The following NPHP3 variants were observed in gnomAD, a reference collection of about 807,000 sequenced individuals.
NPHP3 encodes the protein nephrocystin-3.
A neutral mutation model predicts 171.9 loss-of-function variants in NPHP3; 123 were observed. The ratio of observed to expected loss-of-function variants is 0.72; its 90% confidence interval spans 0.62 to 0.83. The LOEUF (loss-of-function observed/expected upper bound fraction) is 0.83, where lower values mean the gene tolerates loss of function less well. Among genes scored for constraint, NPHP3 ranks in the 40% least tolerant of loss-of-function variants. The pLI is 0.00. For synonymous variants in NPHP3, 558 were observed against 579.2 expected, an observed-to-expected ratio of 0.96 and a Z score of 0.52; for missense variants, 1,506 against 1,591.9, an observed-to-expected ratio of 0.95 and a Z score of 0.92.
At chr3:132,721,857 A>T in intron 1 of NPHP3, 106 bp downstream of exon 1, 2 of 1,342,474 alleles carry the variant, frequency 1.5e-6, no homozygotes, top group Non-Finnish European at 2.1e-6. Flanking sequence ...CTCAAATTAA[A>T]ATGGGCAGTT....
In NPHP3 at chr3:132,718,995, A is replaced by G; in HGVS notation, c.669T>C (p.Thr223=). The G allele has an allele frequency of 6.2e-7, 1 of 1,613,916 alleles. No homozygotes were observed. Among genetic ancestry groups the G allele is most frequent in the Non-Finnish European group, 8.5e-7 (1 of 1,179,776 alleles). Residue 223 remains threonine, a splice_region_variant and synonymous_variant, in exon 3 of 27, where the codon ACT becomes ACC. Transcript: ENST00000337331. The part of the protein sequence containing the change: ...SDSDDNCTDV[T]AAGTQCEYWT... The stretch of plus-strand genomic sequence containing the variant: ...AATATAAATAGGATATACACTTACC[A>G]GTGACATCTGTACAGTTGTCATCTG...
chr3:132,684,950 C>A, intron 23 of NPHP3, 156 bp from the exon 24 acceptor site: 3 of 828,216 alleles, frequency 3.6e-6, no homozygotes. Context: ...CTCTTCCCCA[C>A]CCCTATCTCT....
rs767752387 is a variant in NPHP3, at chr3:132,684,750, C to G, written c.3374G>C (p.Arg1125Pro). Reference sequence around the variant, plus strand: ...GTCAGGGTGATCTGGTCCTAGAACTCGCTCCCTCATTTCTAAGGAACGCTT... The same window carrying G: ...GTCAGGGTGATCTGGTCCTAGAACTGGCTCCCTCATTTCTAAGGAACGCTT... The part of the protein sequence containing the change: ...FLKRSLEMRE[R>P]VLGPDHPDCA... Residue 1125 changes from arginine (R) to proline (P), a missense_variant, in exon 24 of 27, where the codon CGA (arginine) becomes CCA (proline). This residue lies in a region of NPHP3 where 569 missense variants were observed against 648.1 expected (regional missense o/e 0.88). Transcript: ENST00000337331. 2 of 1,613,918 alleles carry G rather than the reference C, an allele frequency of 1.2e-6. No homozygotes were observed. The highest frequency in any genetic ancestry group is 1.7e-6 in the Non-Finnish European group (2 of 1,179,976).
intron 16 of NPHP3, 46 bp downstream of exon 16, chr3:132,694,781 C>T (rs377591204): frequency 6.2e-7 from 1 of 1,601,892 alleles, no homozygotes; most frequent in Non-Finnish European, 8.5e-7. Flanking sequence ...TTCACACACA[C>T]ACAAAGCAAA....
chr3:132,692,063 C>T (rs979692599), intron 17 of NPHP3, among the ~76,000 whole-genome samples: 1 of 152,144 alleles, frequency 6.6e-6, no homozygotes, highest in African/African-American at 2.4e-5. Flanking sequence ...ACTTTCATAC[C>T]ACATTTTTAC....
chr3:132,696,873 G>T, intron 14 of NPHP3, 60 bp from the exon 15 acceptor site: 1 of 1,320,202 alleles, frequency 7.6e-7, no homozygotes, highest in Non-Finnish European at 1.1e-6. Context: ...GGAATTAAGC[G>T]GTCTTTACTA....
Position 132,688,733 on chromosome 3 carries a change from G to A in NPHP3, c.3042C>T (p.Ile1014=). The A allele has an allele frequency of 6.2e-7, 1 of 1,614,126 alleles. No individual in the cohort carries two copies. The highest frequency in any genetic ancestry group is 8.5e-7 in the Non-Finnish European group (1 of 1,179,998). The change falls in exon 21 of 27, where the codon ATC becomes ATT. Residue 1014 remains isoleucine, a synonymous_variant. Coordinates refer to ENST00000337331, the MANE Select transcript of NPHP3 (RefSeq NM_153240.5). ...GGTCCGCACCATAAGCATTTTCTGAGATTTCCAACGCCTGTTTATACAGTT... is the reference window on the plus strand; with the variant it reads ...GGTCCGCACCATAAGCATTTTCTGAAATTTCCAACGCCTGTTTATACAGTT... ...AEQLYKQALE[I]SENAYGADHP...
At chr3:132,719,267 T>C in intron 2 of NPHP3, 123 bp from the exon 3 acceptor site, 2 of 769,280 alleles carry the variant, frequency 2.6e-6, no homozygotes, top group Non-Finnish European at 4.1e-6. Context: ...ATTTCCTCTT[T>C]CATAGGGTGA....
At position 132,692,715 on chromosome 3, in the gene NPHP3, CTG is replaced by C. The variant is rs1939331131; in HGVS notation, c.2412_2413del (p.His804GlnfsTer16). ...AGTCAACAAACACATTTTGTATAAA[CTG>C]TGAATAAGGGAGGTCAAGAAAGTCC... On this transcript the variant is annotated frameshift_variant, in exon 17 of 27. Transcript: ENST00000337331. LOFTEE classifies it high-confidence loss of function. 6.2e-7 allele frequency: 1 copy of C among 1,613,666 alleles called. No individual in the cohort carries two copies. The highest frequency in any genetic ancestry group is 1.3e-5 in the African/African-American group (1 of 74,922).
rs76177059 is a variant in NPHP3, at chr3:132,696,580, T to C, written c.2171+151A>G. The C allele has an allele frequency of 0.075, 54,854 of 730,784 alleles. 2,533 individuals are homozygous for C. Among genetic ancestry groups the C allele is most frequent in the Non-Finnish European group, 0.089 (36,125 of 403,898 alleles). The allele number at this position is 730,784 out of a possible 1,614,324, so 45.3% of individuals were successfully genotyped here. A position where few individuals can be genotyped will look rare whatever the true frequency, so the allele number is the denominator to read the frequency against. The stretch of plus-strand genomic sequence containing the variant: ...ATGGACAGTAGGCACCTGTAAGCCA[T>C]GTTCTCACAAATGTTAGTATCACTA... On this transcript the variant is annotated intron_variant, in intron 15 of 26. Coordinates refer to ENST00000337331, the MANE Select transcript of NPHP3 (RefSeq NM_153240.5).
chr3:132,684,703 G>C lies in NPHP3; in HGVS notation c.3421C>G (p.Leu1141Val). The change falls in exon 24 of 27, where the codon CTG becomes GTG. Residue 1141 changes from leucine (L) to valine (V), a missense_variant. This residue lies in a region of NPHP3 where 569 missense variants were observed against 648.1 expected (regional missense o/e 0.88). Coordinates refer to ENST00000337331, the MANE Select transcript of NPHP3 (RefSeq NM_153240.5). ...TTCTTTTCATTGCATAGAGCTGCCA[G>C]ATTATTCAAAGACTGAGCACAGTCA... ...HPDCAQSLNN[L>V]AALCNEKKQY... is the part of the protein sequence containing the mutation. The C allele has an allele frequency of 1.9e-6, 3 of 1,614,058 alleles. No individual in the cohort carries two copies. The highest frequency in any genetic ancestry group is 2.5e-6 in the Non-Finnish European group (3 of 1,179,974).
chr3:132,718,944 T>C, intron 3 of NPHP3, 50 bp downstream of exon 3: 2 of 1,585,042 alleles, frequency 1.3e-6, no homozygotes, highest in Non-Finnish European at 1.7e-6. Flanking sequence ...GCTCTACATG[T>C]CATTACAGCC....
At position 132,682,018 on chromosome 3, in the gene NPHP3, T is replaced by C; in HGVS notation, c.3885A>G (p.Thr1295=). ...KRAMEIKEAE[T]SLLGGKAPSR... is the part of the protein sequence containing the mutation. The stretch of plus-strand genomic sequence containing the variant: ...AAGGAGCTTTTCCACCCAAGAGTGA[T>C]GTTTCTGCTTCTTTTATTTCCATTG... The change falls in exon 27 of 27, where the codon ACA becomes ACG. Residue 1295 remains threonine (T), a synonymous_variant. Coordinates refer to ENST00000337331, the MANE Select transcript of NPHP3 (RefSeq NM_153240.5). 1 of 1,614,102 alleles carries C rather than the reference T, an allele frequency of 6.2e-7. No individual in the cohort carries two copies. The highest frequency in any genetic ancestry group is 8.5e-7 in the Non-Finnish European group (1 of 1,179,934).
chr3:132,717,944 C>T (rs944322082), intron 3 of NPHP3: 7 of 335,246 alleles, frequency 2.1e-5, no homozygotes, highest in Middle Eastern at 9.9e-4. Flanking sequence ...TTAGTAGAGA[C>T]GGGGTTTCAC....
chr3:132,718,101 G>A (rs983676791), intron 3 of NPHP3: 7 of 452,988 alleles, frequency 1.5e-5, no homozygotes, highest in Non-Finnish European at 2.7e-5. Flanking sequence ...CAGGATGTTG[G>A]TCAGATTCCA....
At chr3:132,716,239 G>T (rs2107999530) in intron 4 of NPHP3, among the ~76,000 whole-genome samples, 1 of 152,126 alleles carries the variant, frequency 6.6e-6, no homozygotes, top group Admixed American at 6.5e-5. Context: ...ATAAATAGTT[G>T]TTATACTGTA....
intron 3 of NPHP3, 23 bp from the exon 4 acceptor site, chr3:132,716,932 C>A (rs1940068916): frequency 6.2e-7 from 1 of 1,611,886 alleles, no homozygotes. Context: ...AGATTTTTAT[C>A]TTGTGAAAGC....
At chr3:132,705,587 T>C in intron 8 of NPHP3, 153 bp downstream of exon 8, 1 of 578,962 alleles carries the variant, frequency 1.7e-6, no homozygotes. Context: ...ACTAAGAACA[T>C]ACCACAGGAT....
At chr3:132,695,638 A>C (rs1273531238) in intron 15 of NPHP3, among the ~76,000 whole-genome samples, 3 of 152,198 alleles carry the variant, frequency 2.0e-5, no homozygotes, top group Admixed American at 6.5e-5. Flanking sequence ...AGGACAGTGG[A>C]AATATCACAG....
Sources: allele counts gnomAD v4.1 joint callset (sites outside exome capture counted in the v4.1 genomes callset), GRCh38; gene constraint gnomAD v4.1.1; regional missense constraint gnomAD v4.1.1; transcripts MANE v1.5; gene names NCBI Gene and HGNC (gene_info 2026-07-23, HGNC 2026-07-21).